Variants in SPRY3 observed in about 807,000 individuals in gnomAD.
SPRY3 encodes protein sprouty homolog 3.
SPRY3 carries 15 observed loss-of-function variants against 20.2 expected under a neutral mutation model. The observed-to-expected ratio is 0.74, with a 90% CI of 0.50 to 1.14. The LOEUF (loss-of-function observed/expected upper bound fraction) is 1.14. Among genes scored for constraint, SPRY3 ranks in the 50% most tolerant of loss-of-function variants. The pLI is 0.00. For synonymous variants in SPRY3, 143 were observed against 136.5 expected, an observed-to-expected ratio of 1.05 and a Z score of -0.33; for missense variants, 364 against 363.9, an observed-to-expected ratio of 1.00 and a Z score of 0.00.
intron 2 of SPRY3, among the ~76,000 whole-genome samples, chrX:155,758,105 C>A (rs1375443224): frequency 6.6e-6 from 1 of 152,180 alleles, no homozygotes; most frequent in Non-Finnish European, 1.5e-5. Flanking sequence ...TTTGTTTTAG[C>A]AGACTGTGAG....
chrX:155,696,747 G>A (rs1000333657), intron 2 of SPRY3, among the ~76,000 whole-genome samples: 3 of 111,696 alleles, frequency 2.7e-5, no homozygotes, highest in Non-Finnish European at 5.7e-5. Context: ...ATTCAGTATG[G>A]ACAATCCAAC....
intron 1 of SPRY3, among the ~76,000 whole-genome samples, chrX:155,638,295 T>G (rs2067930170): frequency 0.091 from 1 of 11 alleles, no homozygotes; most frequent in African/African-American, 0.14. Flanking sequence ...CCTCCTCTAA[T>G]ATATATATAT....
chrX:155,738,809 A>C (rs1305234857), intron 2 of SPRY3, among the ~76,000 whole-genome samples: 2 of 152,220 alleles, frequency 1.3e-5, no homozygotes, highest in East Asian at 3.9e-4. Flanking sequence ...GATCAGGCAC[A>C]CACAGAGACA....
At position 155,680,197 on chromosome X, in the gene SPRY3, GGAGAGAGAGA is replaced by G. The variant is rs761827872; in HGVS notation, c.-282+23185_-282+23194del. Reference sequence around the variant, plus strand: ...GTGTGTGTGTGTGTGTGTGTTTGAGGGAGAGAGAGAGAGAGAGAGAGAAGAGAAGAGAAGA... The same window carrying G: ...GTGTGTGTGTGTGTGTGTGTTTGAGGGAGAGAGAGAGAAGAGAAGAGAAGA... On this transcript the variant is annotated intron_variant, in intron 2 of 3. Transcript: ENST00000675360. 4.0e-5 allele frequency among the ~76,000 whole-genome samples: 3 copies of G among 75,270 alleles called. No individual in the cohort carries two copies. The South Asian group carries it at 2.0e-3, about 50-fold the overall frequency. The allele number at this position is 75,270 out of a possible 115,157, so 65.4% of individuals were successfully genotyped here.
At position 155,633,162 on chromosome X, in the gene SPRY3, G is replaced by C. The variant is rs960160521; in HGVS notation, c.-441+20515G>C. On this transcript the variant is annotated intron_variant, in intron 1 of 3. Transcript: ENST00000675360. Reference sequence around the variant, plus strand: ...AAATGATATTTGATCTAAACAACAAGAATCTAGGTTTGATAGAAACTTGAC... The same window carrying C: ...AAATGATATTTGATCTAAACAACAACAATCTAGGTTTGATAGAAACTTGAC... 7.2e-5 allele frequency among the ~76,000 whole-genome samples: 8 copies of C among 110,449 alleles called. No homozygotes were observed. The East Asian group carries it at 2.3e-3, about 31-fold the overall frequency.
intron 3 of SPRY3, among the ~76,000 whole-genome samples, chrX:155,771,046 A>G (rs2091377513): frequency 6.6e-6 from 1 of 152,146 alleles, no homozygotes; most frequent in South Asian, 2.1e-4. Flanking sequence ...GCAGGAAGAA[A>G]CCTTCTAAGT....
At chrX:155,707,705 A>T (rs2090961163) in intron 2 of SPRY3, among the ~76,000 whole-genome samples, 1 of 151,180 alleles carries the variant, frequency 6.6e-6, no homozygotes, top group South Asian at 2.1e-4. Flanking sequence ...CTTGTCTTAA[A>T]GTCTATGTAC....
chrX:155,614,957 C>T (rs1265905585), intron 1 of SPRY3, among the ~76,000 whole-genome samples: 1 of 111,818 alleles, frequency 8.9e-6, no homozygotes, highest in Non-Finnish European at 1.9e-5. Flanking sequence ...CAAACTTGTT[C>T]TTGTTCTGCT....
intron 2 of SPRY3, among the ~76,000 whole-genome samples, chrX:155,761,474 C>A (rs2091303925): frequency 3.3e-5 from 5 of 152,098 alleles, no homozygotes; most frequent in Admixed American, 2.0e-4. Context: ...TAGGTTGATT[C>A]CATGTCTTTG....
intron 1 of SPRY3, among the ~76,000 whole-genome samples, chrX:155,642,430 C>G (rs1432593250): frequency 9.0e-6 from 1 of 110,945 alleles, no homozygotes; most frequent in African/African-American, 3.3e-5. Flanking sequence ...TCCAAAAAAC[C>G]ATTTTTTGTT....
chrX:155,734,087 G>C (rs1244461428), intron 2 of SPRY3, among the ~76,000 whole-genome samples: 5 of 152,024 alleles, frequency 3.3e-5, no homozygotes, highest in African/African-American at 9.7e-5. Flanking sequence ...TTTTAATCTT[G>C]TTCAGGAACT....
chrX:155,629,468 C>T (rs929587596), intron 1 of SPRY3, among the ~76,000 whole-genome samples: 3 of 111,009 alleles, frequency 2.7e-5, no homozygotes, highest in Non-Finnish European at 5.7e-5. Flanking sequence ...AATAAACATA[C>T]GTGTGCATGT....
At chrX:155,762,388 T>G (rs1005189443) in intron 2 of SPRY3, among the ~76,000 whole-genome samples, 12 of 152,168 alleles carry the variant, frequency 7.9e-5, no homozygotes, top group Admixed American at 7.2e-4. Context: ...ATAACTACAT[T>G]GTCATGAGAG....
chrX:155,747,600 C>T (rs1284725996), intron 2 of SPRY3, among the ~76,000 whole-genome samples: 3 of 151,890 alleles, frequency 2.0e-5, no homozygotes, highest in Non-Finnish European at 2.9e-5. Context: ...GAAGTGCATT[C>T]TCCTATTACA....
chrX:155,720,853 G>A (rs2091053174), intron 2 of SPRY3, among the ~76,000 whole-genome samples: 2 of 152,174 alleles, frequency 1.3e-5, no homozygotes, highest in South Asian at 2.1e-4. Flanking sequence ...ACTACAATAA[G>A]TACCCAACTC....
chrX:155,639,723 A>G (rs899941222), intron 1 of SPRY3, among the ~76,000 whole-genome samples: 1 of 112,316 alleles, frequency 8.9e-6, no homozygotes, highest in Admixed American at 9.5e-5. Context: ...TTTTGGGTAT[A>G]TACTCAGAAG....
At chrX:155,659,415 G>A (rs1470758214) in intron 2 of SPRY3, among the ~76,000 whole-genome samples, 1 of 110,586 alleles carries the variant, frequency 9.0e-6, no homozygotes, top group African/African-American at 3.3e-5. Flanking sequence ...AAAGTGCTGG[G>A]ATTACAGACG....
intron 2 of SPRY3, among the ~76,000 whole-genome samples, chrX:155,748,166 G>A (rs993446772): frequency 6.6e-6 from 1 of 151,746 alleles, no homozygotes; most frequent in Non-Finnish European, 1.5e-5. Flanking sequence ...TCCTGCTGCT[G>A]GTAAGTACCA....
chrX:155,767,738 GA>G (rs2091347317), intron 2 of SPRY3: 9 of 57,268 alleles, frequency 1.6e-4, no homozygotes, highest in African/African-American at 4.8e-4. Context: ...GAGGAGGAGA[GA>G]GAGGAGGAGG....
Sources: gnomAD v4.1 joint callset for allele counts (sites outside exome capture counted in the v4.1 genomes callset) on GRCh38, gnomAD v4.1.1 for gene constraint, MANE v1.5 for transcripts, NCBI Gene and HGNC (gene_info 2026-07-23, HGNC 2026-07-21) for gene names.